Variants in SGCZ observed in about 807,000 individuals in gnomAD.
SGCZ encodes sarcoglycan zeta.
Under a neutral mutation model 41.3 loss-of-function variants are expected in SGCZ, and 40 were observed. The observed-to-expected ratio is 0.97, with a 90% CI of 0.75 to 1.26. The LOEUF is 1.26. Ranked by LOEUF, SGCZ falls within the 50% of genes most tolerant of loss-of-function variation. SGCZ has a pLI of 0.00. For missense variants in SGCZ, 552 were observed against 369.8 expected (o/e 1.49, Z -4.04); for synonymous variants, 206 against 137.5 (o/e 1.50, Z -3.49).
intron 1 of SGCZ, among the ~76,000 whole-genome samples, chr8:14,557,323 T>C (rs1313689260): frequency 1.3e-5 from 2 of 151,952 alleles, no homozygotes; most frequent in African/African-American, 2.4e-5. Context: ...AGATTTTGGA[T>C]AGTAGTCTTT....
At chr8:14,820,747 T>A (rs1373619150) in intron 1 of SGCZ, among the ~76,000 whole-genome samples, 1 of 151,814 alleles carries the variant, frequency 6.6e-6, no homozygotes, top group East Asian at 1.9e-4. Flanking sequence ...ACCAATGGGT[T>A]AATGAAGAAA....
At chr8:15,208,037 C>G (rs1801124928) in intron 1 of SGCZ, among the ~76,000 whole-genome samples, 1 of 152,178 alleles carries the variant, frequency 6.6e-6, no homozygotes, top group Non-Finnish European at 1.5e-5. Flanking sequence ...ATTTCCTACT[C>G]TCTGATAGTT....
At chr8:14,703,389 G>C (rs1009956657) in intron 1 of SGCZ, among the ~76,000 whole-genome samples, 1 of 151,740 alleles carries the variant, frequency 6.6e-6, no homozygotes, top group Non-Finnish European at 1.5e-5. Flanking sequence ...ATATTTGCAC[G>C]ACTTAGTCTT....
rs1554512085 is a variant in SGCZ, at chr8:14,854,021, T to TATATA, written c.40-299096_40-299095insTATAT. The stretch of plus-strand genomic sequence containing the variant: ...CGACATCAGTTTCTATGTGATTATA[T>TATATA]TATATATATATATATATATATATAT... On this transcript the variant is annotated intron_variant, in intron 1 of 7. Coordinates refer to ENST00000382080, the MANE Select transcript of SGCZ (RefSeq NM_139167.4). 6.5e-5 allele frequency among the ~76,000 whole-genome samples: 7 copies of TATATA among 107,672 alleles called. No homozygotes were observed. The South Asian group carries it at 1.3e-3, about 21-fold the overall frequency. 70.6% of individuals were successfully genotyped at this position (107,672 alleles called of 152,430 possible).
chr8:14,553,548 A>G (rs189729436), intron 2 of SGCZ, among the ~76,000 whole-genome samples: 10 of 152,182 alleles, frequency 6.6e-5, no homozygotes, highest in Admixed American at 4.6e-4. Context: ...TCCCTCCATG[A>G]GCACATGCTG....
At chr8:14,365,150 C>T (rs1431035241) in intron 2 of SGCZ, among the ~76,000 whole-genome samples, 1 of 151,998 alleles carries the variant, frequency 6.6e-6, no homozygotes, top group African/African-American at 2.4e-5. Flanking sequence ...CTTTAGATTA[C>T]AGGGTACATC....
chr8:14,797,742 A>G (rs1801182900), intron 1 of SGCZ, among the ~76,000 whole-genome samples: 1 of 152,062 alleles, frequency 6.6e-6, no homozygotes, highest in South Asian at 2.1e-4. Context: ...AGGAGGAAAT[A>G]ATGGTTTCCT....
intron 2 of SGCZ, among the ~76,000 whole-genome samples, chr8:14,350,778 T>C (rs1248900240): frequency 1.3e-5 from 2 of 152,118 alleles, no homozygotes; most frequent in Non-Finnish European, 2.9e-5. Context: ...AACAGAAAAC[T>C]CTCTCTCAGT....
At chr8:14,654,881 G>A (rs1020382511) in intron 1 of SGCZ, among the ~76,000 whole-genome samples, 1 of 151,814 alleles carries the variant, frequency 6.6e-6, no homozygotes, top group Non-Finnish European at 1.5e-5. Flanking sequence ...TGGTCAGGCT[G>A]GTTTCGAACT....
At chr8:14,138,276 C>T (rs998443500) in intron 5 of SGCZ, among the ~76,000 whole-genome samples, 7 of 152,096 alleles carry the variant, frequency 4.6e-5, no homozygotes, top group Admixed American at 6.5e-5. Flanking sequence ...CATCAACTAA[C>T]GAGCAAAATA....
At chr8:14,592,313 T>C (rs1805266483) in intron 1 of SGCZ, among the ~76,000 whole-genome samples, 1 of 152,168 alleles carries the variant, frequency 6.6e-6, no homozygotes, top group Non-Finnish European at 1.5e-5. Context: ...CTGTATTAGA[T>C]TGCTGCTTGC....
At chr8:14,680,964 G>GAAA (rs71209075) in intron 1 of SGCZ, among the ~76,000 whole-genome samples, 8 of 117,870 alleles carry the variant, frequency 6.8e-5, no homozygotes, top group Non-Finnish European at 1.2e-4. Context: ...AAAAGAGTGG[G>GAAA]AAAAAAAAAA....
chr8:14,877,048 A>G (rs561562556), intron 1 of SGCZ, among the ~76,000 whole-genome samples: 34 of 152,286 alleles, frequency 2.2e-4, no homozygotes, highest in Non-Finnish European at 4.1e-4. Flanking sequence ...ATCTTGGCTC[A>G]TTGCAATCTC....
Position 14,951,415 on chromosome 8 carries a change from G to A in SGCZ, c.39+286170C>T, listed in dbSNP as rs546585395. Among the ~76,000 whole-genome samples, 104 of 152,060 alleles carry A rather than the reference G, an allele frequency of 6.8e-4. 1 individual carries two copies. Among genetic ancestry groups the A allele is most frequent in the African/African-American group, 2.3e-3 (96 of 41,560 alleles). On this transcript the variant is annotated intron_variant, in intron 1 of 7. Transcript: ENST00000382080. ...AATTCGTTGTCAATAGGTAGAGGAA[G>A]GAAAGAGGCTATTTTTACATACTGA...
chr8:14,115,537 G>T (rs1802496969), intron 5 of SGCZ, among the ~76,000 whole-genome samples: 1 of 151,884 alleles, frequency 6.6e-6, no homozygotes, highest in African/African-American at 2.4e-5. Context: ...GTCTAGATAA[G>T]CTTTCAACGT....
At chr8:14,353,554 G>A (rs1055801384) in intron 2 of SGCZ, among the ~76,000 whole-genome samples, 1 of 152,022 alleles carries the variant, frequency 6.6e-6, no homozygotes, top group South Asian at 2.1e-4. Flanking sequence ...CGAATGGATA[G>A]GTACTAATGT....
intron 1 of SGCZ, among the ~76,000 whole-genome samples, chr8:14,946,005 CATATATATATATATATATATATAT>C (rs34647526): frequency 3.6e-3 from 53 of 14,888 alleles, no homozygotes; most frequent in Middle Eastern, 0.12. Flanking sequence ...TAAATGTCCC[CATATATATATATATATATATATAT>C]ATATATATAT....
rs1801651226 is a variant in SGCZ at position 14,090,435 on chromosome 8, C to T, written c.*8G>A. 2 of 1,608,328 alleles carry T rather than the reference C, an allele frequency of 1.2e-6. No individual in the cohort carries two copies. Among genetic ancestry groups the T allele is most frequent in the African/African-American group, 1.3e-5 (1 of 74,644 alleles). On this transcript the variant is annotated 3_prime_UTR_variant, in exon 8 of 8. Transcript: ENST00000382080. ...AGGCTATTCTGGTGTGAGGAGAAAT[C>T]AGTCACTTCAGCTCCACAGGCAGAT... is the stretch of plus-strand genomic sequence containing the variant.
chr8:15,217,633 T>G (rs1215784804), intron 1 of SGCZ, among the ~76,000 whole-genome samples: 2 of 152,136 alleles, frequency 1.3e-5, no homozygotes, highest in Admixed American at 6.5e-5. Flanking sequence ...CTGGCGTGCC[T>G]TTTCTTTGTT....
Sources: gnomAD v4.1 joint callset for allele counts (sites outside exome capture counted in the v4.1 genomes callset) on GRCh38, gnomAD v4.1.1 for gene constraint, MANE v1.5 for transcripts, NCBI Gene and HGNC (gene_info 2026-07-23, HGNC 2026-07-21) for gene names.